The following PTPRD variants were observed in gnomAD, a reference collection of about 807,000 sequenced individuals.
The protein encoded by PTPRD is protein tyrosine phosphatase receptor type D.
Under a neutral mutation model 214.5 loss-of-function variants are expected in PTPRD, and 34 were observed. That is an observed-to-expected ratio of 0.16 (90% CI 0.12 to 0.21). The LOEUF (loss-of-function observed/expected upper bound fraction) is 0.21, where lower values mean the gene tolerates loss of function less well. PTPRD is among the 10% of genes least tolerant of loss of function. The pLI is 1.00. For missense variants in PTPRD, 2,545 were observed against 2,398.7 expected (o/e 1.06, Z -1.27); for synonymous variants, 1,128 against 845.7 (o/e 1.33, Z -5.79).
chr9:10,036,724 C>T (rs903767273), intron 3 of PTPRD, among the ~76,000 whole-genome samples: 4 of 151,838 alleles, frequency 2.6e-5, no homozygotes, highest in Admixed American at 2.6e-4. Flanking sequence ...AGCTGGATTA[C>T]AGGCACGTGC....
chr9:8,856,111 T>C (rs1220131845), intron 11 of PTPRD, among the ~76,000 whole-genome samples: 1 of 152,206 alleles, frequency 6.6e-6, no homozygotes, highest in Non-Finnish European at 1.5e-5. Context: ...TTTGCTATAG[T>C]GTCTGTAGCA....
chr9:9,102,395 T>A lies in PTPRD; in HGVS notation c.-143+80909A>T, dbSNP rs537374320. Among the ~76,000 whole-genome samples, 8 of 152,288 alleles carry A rather than the reference T, an allele frequency of 5.3e-5. No homozygotes were observed. In the South Asian group the frequency reaches 1.7e-3, roughly 32 times the overall value. On this transcript the variant is annotated intron_variant, in intron 10 of 45. Coordinates refer to ENST00000381196, the MANE Select transcript of PTPRD (RefSeq NM_002839.4). ...AGAAGAAAATGGCCAGTTTGAGCCA[T>A]TGAACCAGAATCACGCTGCGGGAAC...
chr9:10,513,607 C>T (rs1202172333), intron 2 of PTPRD, among the ~76,000 whole-genome samples: 1 of 152,078 alleles, frequency 6.6e-6, no homozygotes, highest in Non-Finnish European at 1.5e-5. Flanking sequence ...TTTTCATCTC[C>T]TTTGAAGTTG....
intron 7 of PTPRD, among the ~76,000 whole-genome samples, chr9:9,586,978 ACT>A (rs2092080768): frequency 6.6e-6 from 1 of 151,866 alleles, no homozygotes; most frequent in South Asian, 2.1e-4. Context: ...ATAAGTCATC[ACT>A]CTCTCCTGTG....
chr9:9,267,479 G>C (rs1168685629), intron 9 of PTPRD, among the ~76,000 whole-genome samples: 1 of 151,182 alleles, frequency 6.6e-6, no homozygotes, highest in Non-Finnish European at 1.5e-5. Flanking sequence ...ACATTTAACA[G>C]AATTAACACT....
chr9:9,330,658 CAA>C (rs2041967244), intron 9 of PTPRD, among the ~76,000 whole-genome samples: 1 of 151,790 alleles, frequency 6.6e-6, no homozygotes, highest in African/African-American at 2.4e-5. Context: ...TAAATTTTGA[CAA>C]AGAGTTAATT....
chr9:10,057,343 A>C (rs1231941373), intron 3 of PTPRD, among the ~76,000 whole-genome samples: 1 of 152,168 alleles, frequency 6.6e-6, no homozygotes, highest in Non-Finnish European at 1.5e-5. Flanking sequence ...AATGAAGGAA[A>C]TAGTCACAAA....
intron 5 of PTPRD, among the ~76,000 whole-genome samples, chr9:9,828,200 C>G (rs949018947): frequency 6.6e-6 from 1 of 152,082 alleles, no homozygotes; most frequent in African/African-American, 2.4e-5. Context: ...AAGACACATA[C>G]ACACGCATGT....
intron 8 of PTPRD, among the ~76,000 whole-genome samples, chr9:9,419,266 AATAAT>A (rs34372174): frequency 0.79 from 118,752 of 150,850 alleles, 46,918 homozygotes; most frequent in Non-Finnish European, 0.81. Context: ...TGTAAGAAAG[AATAAT>A]ATATTCAGAT....
intron 11 of PTPRD, among the ~76,000 whole-genome samples, chr9:8,908,733 A>G (rs2098725638): frequency 6.6e-6 from 1 of 151,666 alleles, no homozygotes. Flanking sequence ...AAGAAAGTAA[A>G]TTGTAAAGAT....
At chr9:9,023,787 G>T (rs182719286) in intron 10 of PTPRD, among the ~76,000 whole-genome samples, 1 of 152,104 alleles carries the variant, frequency 6.6e-6, no homozygotes, top group Non-Finnish European at 1.5e-5. Context: ...GAGTTAGTCT[G>T]CTTAGGATTA....
rs2097706811 is a variant in PTPRD, at chr9:8,846,824, T to C, written c.-103-112878A>G. Among the ~76,000 whole-genome samples the C allele has an allele frequency of 2.0e-5, 3 of 152,200 alleles. No individual in the cohort carries two copies. The South Asian group carries it at 6.2e-4, about 32-fold the overall frequency. ...AGGACATCAAAGGCCAGGTGCCTTTTGGTAAGGAATATTTCATGCTTTTTA... is the reference window on the plus strand; with the variant it reads ...AGGACATCAAAGGCCAGGTGCCTTTCGGTAAGGAATATTTCATGCTTTTTA... On this transcript the variant is annotated intron_variant, in intron 11 of 45. Coordinates refer to ENST00000381196, the MANE Select transcript of PTPRD (RefSeq NM_002839.4).
At chr9:10,329,964 T>A (rs1433634352) in intron 3 of PTPRD, among the ~76,000 whole-genome samples, 1 of 151,886 alleles carries the variant, frequency 6.6e-6, no homozygotes, top group Non-Finnish European at 1.5e-5. Context: ...AAAAATCTTT[T>A]ATAGATATTT....
chr9:10,281,362 G>A (rs1365951244), intron 3 of PTPRD, among the ~76,000 whole-genome samples: 1 of 152,120 alleles, frequency 6.6e-6, no homozygotes, highest in Non-Finnish European at 1.5e-5. Context: ...AAATAAGGCT[G>A]GCTCTCACCT....
chr9:10,011,728 G>C (rs1321990953), intron 4 of PTPRD, among the ~76,000 whole-genome samples: 2 of 151,980 alleles, frequency 1.3e-5, no homozygotes, highest in Non-Finnish European at 1.5e-5. Context: ...ATGATTACAA[G>C]TTTGAGAAGA....
At chr9:10,381,348 A>G (rs537144701) in intron 2 of PTPRD, among the ~76,000 whole-genome samples, 96 of 152,156 alleles carry the variant, frequency 6.3e-4, no homozygotes, top group African/African-American at 2.2e-3. Context: ...TATTCATTTA[A>G]CCACCAAATT....
At chr9:8,386,446 T>C (rs1024754600) in intron 37 of PTPRD, among the ~76,000 whole-genome samples, 5 of 152,198 alleles carry the variant, frequency 3.3e-5, no homozygotes, top group African/African-American at 1.2e-4. Flanking sequence ...TCATGTACCA[T>C]AGGAATGAAT....
chr9:8,874,840 G>A (rs531323757), intron 11 of PTPRD, among the ~76,000 whole-genome samples: 19 of 152,316 alleles, frequency 1.2e-4, no homozygotes, highest in South Asian at 6.2e-4. Flanking sequence ...CCTAGGAAAT[G>A]TTTGATAAAT....
At chr9:9,717,519 C>A (rs762884620) in intron 7 of PTPRD, among the ~76,000 whole-genome samples, 2 of 152,162 alleles carry the variant, frequency 1.3e-5, no homozygotes, top group African/African-American at 2.4e-5. Context: ...ATATAAAACT[C>A]ACTCATTTTG....
Sources: gnomAD v4.1 joint callset for allele counts (sites outside exome capture counted in the v4.1 genomes callset) on GRCh38, gnomAD v4.1.1 for gene constraint, MANE v1.5 for transcripts, NCBI Gene and HGNC (gene_info 2026-07-23, HGNC 2026-07-21) for gene names.